Variants in MTMR7 observed in about 807,000 individuals in gnomAD.
MTMR7 encodes myotubularin related protein 7.
In MTMR7, 76 loss-of-function variants were observed where a neutral mutation model predicts 81.2. The observed-to-expected ratio is 0.94, with a 90% CI of 0.78 to 1.13. MTMR7 has a LOEUF of 1.13. MTMR7 is among the 50% of genes most tolerant of loss of function. MTMR7 has a pLI of 0.00. For missense variants in MTMR7, 1,044 were observed against 820.0 expected (o/e 1.27, Z -3.34); for synonymous variants, 372 against 289.8 (o/e 1.28, Z -2.88).
chr8:17,349,820 C>T (rs1563351686), intron 4 of MTMR7, among the ~76,000 whole-genome samples: 1 of 152,136 alleles, frequency 6.6e-6, no homozygotes, highest in African/African-American at 2.4e-5. Flanking sequence ...TGGAAGGGTG[C>T]CTTGGAAGGA....
chr8:17,310,945 A>G (rs1007943632), intron 9 of MTMR7, among the ~76,000 whole-genome samples: 1 of 152,184 alleles, frequency 6.6e-6, no homozygotes, highest in African/African-American at 2.4e-5. Flanking sequence ...GCAACGTTAC[A>G]TTTGATGCCC....
chr8:17,325,764 A>G (rs900128381), intron 7 of MTMR7, among the ~76,000 whole-genome samples: 4 of 144,360 alleles, frequency 2.8e-5, no homozygotes, highest in Non-Finnish European at 3.0e-5. Context: ...CGAGACAAAC[A>G]CTTCTGAAAC....
chr8:17,397,226 G>C (rs1008044138), intron 1 of MTMR7, among the ~76,000 whole-genome samples: 1 of 151,876 alleles, frequency 6.6e-6, no homozygotes, highest in Non-Finnish European at 1.5e-5. Context: ...TTGCACCTCA[G>C]GTACTAGCTC....
chr8:17,397,250 T>C (rs147803746), intron 1 of MTMR7, among the ~76,000 whole-genome samples: 282 of 151,896 alleles, frequency 1.9e-3, no homozygotes, highest in African/African-American at 5.7e-3. Context: ...CATAGCGGGA[T>C]AGAGTATCAC....
intron 1 of MTMR7, 88 bp downstream of exon 1, chr8:17,413,181 A>G (rs1328657415): frequency 6.9e-7 from 1 of 1,449,162 alleles, no homozygotes; most frequent in African/African-American, 1.4e-5. Flanking sequence ...TGCCCCTCAA[A>G]GCAGTCGGCC....
chr8:17,338,888 T>G (rs1479032711), intron 6 of MTMR7: 1 of 146,170 alleles, frequency 6.8e-6, no homozygotes, highest in East Asian at 2.4e-4. Flanking sequence ...TCATCTGGCA[T>G]CCGTGAGTAG....
At chr8:17,349,772 G>T (rs1819670564) in intron 4 of MTMR7, among the ~76,000 whole-genome samples, 1 of 152,168 alleles carries the variant, frequency 6.6e-6, no homozygotes, top group South Asian at 2.1e-4. Context: ...AAGGATCGAT[G>T]TACTCTTTCT....
At chr8:17,404,012 G>T (rs138875761) in intron 1 of MTMR7, among the ~76,000 whole-genome samples, 6,717 of 152,186 alleles carry the variant, frequency 0.044, 234 homozygotes, top group Non-Finnish European at 0.067. Context: ...CATATCATCT[G>T]CAAACAAGGA....
intron 9 of MTMR7, among the ~76,000 whole-genome samples, chr8:17,310,434 T>C (rs112139715): frequency 0.019 from 2,852 of 152,222 alleles, 109 homozygotes; most frequent in African/African-American, 0.065. Context: ...ACTCGAGACA[T>C]TTTCTTTGGG....
intron 8 of MTMR7, among the ~76,000 whole-genome samples, chr8:17,312,399 AC>A (rs1817831845): frequency 6.6e-6 from 1 of 152,030 alleles, no homozygotes; most frequent in South Asian, 2.1e-4. Flanking sequence ...ACATGGTGAA[AC>A]CCCGTCTCTA....
chr8:17,308,456 T>C lies in MTMR7; in HGVS notation c.1151+821A>G, dbSNP rs528452224. ...TTCCTGAAAATCACAGAATTAGTGA[T>C]CAATTAATGCTAAAAGCAAAAAACT... is the stretch of plus-strand genomic sequence containing the variant. On this transcript the variant is annotated intron_variant, in intron 10 of 13. Transcript: ENST00000180173. Among the ~76,000 whole-genome samples the C allele has an allele frequency of 2.0e-5, 3 of 152,302 alleles. No homozygotes were observed. The East Asian group carries it at 5.8e-4, about 29-fold the overall frequency.
At chr8:17,319,539 C>G (rs1245675323) in intron 7 of MTMR7, among the ~76,000 whole-genome samples, 1 of 152,180 alleles carries the variant, frequency 6.6e-6, no homozygotes. Context: ...TCATGGCTAC[C>G]TTGGTGGGTT....
intron 7 of MTMR7, among the ~76,000 whole-genome samples, chr8:17,317,747 A>T (rs1457133614): frequency 6.6e-6 from 1 of 152,084 alleles, no homozygotes; most frequent in Non-Finnish European, 1.5e-5. Flanking sequence ...AAGGATCTGC[A>T]CTTCTATTTA....
intron 3 of MTMR7, among the ~76,000 whole-genome samples, chr8:17,368,327 T>C (rs528939418): frequency 2.6e-5 from 4 of 152,218 alleles, no homozygotes; most frequent in East Asian, 1.9e-4. Flanking sequence ...GGCCCAGGGG[T>C]TGGGGACCCC....
rs551074045 is a variant in MTMR7 at position 17,386,741 on chromosome 8, G to A, written c.25-13501C>T. 5.3e-5 allele frequency among the ~76,000 whole-genome samples: 8 copies of A among 152,322 alleles called. No homozygotes were observed. In the South Asian group the frequency reaches 1.4e-3, roughly 28 times the overall value. On this transcript the variant is annotated intron_variant, in intron 1 of 13. Coordinates refer to ENST00000180173, the MANE Select transcript of MTMR7 (RefSeq NM_004686.5). ...CTTGGAGCCCAAGCCAAGTATCACTGCATCTCACTTGGTCACACGCTTACC... is the reference window on the plus strand; with the variant it reads ...CTTGGAGCCCAAGCCAAGTATCACTACATCTCACTTGGTCACACGCTTACC...
At chr8:17,373,820 C>T (rs562851963) in intron 1 of MTMR7, among the ~76,000 whole-genome samples, 1 of 152,176 alleles carries the variant, frequency 6.6e-6, no homozygotes, top group South Asian at 2.1e-4. Context: ...ATGGCATTAT[C>T]ACCACTCAGC....
At chr8:17,398,792 G>T (rs6985580) in intron 1 of MTMR7, among the ~76,000 whole-genome samples, 5,152 of 151,714 alleles carry the variant, frequency 0.034, 253 homozygotes, top group East Asian at 0.14. Flanking sequence ...AAGACATCAA[G>T]AGATGCAACA....
chr8:17,392,710 C>A (rs1305685503), intron 1 of MTMR7, among the ~76,000 whole-genome samples: 1 of 152,288 alleles, frequency 6.6e-6, no homozygotes, highest in East Asian at 1.9e-4. Flanking sequence ...TGGGTGTGAA[C>A]TAGAGTTGGG....
intron 1 of MTMR7, among the ~76,000 whole-genome samples, chr8:17,394,152 A>C (rs1821182519): frequency 6.6e-6 from 1 of 152,244 alleles, no homozygotes; most frequent in Non-Finnish European, 1.5e-5. Flanking sequence ...CAACAGATTA[A>C]GCATGCATTA....
Sources: gnomAD v4.1 joint callset for allele counts (sites outside exome capture counted in the v4.1 genomes callset) on GRCh38, gnomAD v4.1.1 for gene constraint, MANE v1.5 for transcripts, NCBI Gene and HGNC (gene_info 2026-07-23, HGNC 2026-07-21) for gene names.